The following SEZ6L variants were observed in gnomAD, a reference collection of about 807,000 sequenced individuals.
SEZ6L encodes the protein seizure related 6 homolog like, also known as seizure 6-like protein.
SEZ6L carries 37 observed loss-of-function variants against 106.2 expected under a neutral mutation model. That is an observed-to-expected ratio of 0.35 (90% CI 0.27 to 0.46). The LOEUF is 0.46. Among genes scored for constraint, SEZ6L ranks in the 20% least tolerant of loss-of-function variants. The probability of loss-of-function intolerance (pLI) is 1.00; values close to 1 mark genes in which losing one functional copy is unlikely to be tolerated. For missense variants in SEZ6L, 1,172 were observed against 1,332.8 expected (o/e 0.88, Z 1.88); for synonymous variants, 541 against 570.4 (o/e 0.95, Z 0.73).
chr22:26,242,851 G>T (rs2079184765), intron 1 of SEZ6L: 1 of 152,340 alleles, frequency 6.6e-6, no homozygotes. Flanking sequence ...GAGTTGGTTA[G>T]TGCCCTAGGG....
intron 12 of SEZ6L, among the ~76,000 whole-genome samples, chr22:26,361,037 T>C (rs2083604833): frequency 6.6e-6 from 1 of 152,212 alleles, no homozygotes; most frequent in South Asian, 2.1e-4. Flanking sequence ...CACGCGGCTT[T>C]AAACAGTGTC....
At chr22:26,240,997 G>T (rs1402302482) in intron 1 of SEZ6L, among the ~76,000 whole-genome samples, 1 of 152,164 alleles carries the variant, frequency 6.6e-6, no homozygotes, top group African/African-American at 2.4e-5. Flanking sequence ...TGGACAGTAG[G>T]CGTCCATGCA....
intron 1 of SEZ6L, among the ~76,000 whole-genome samples, chr22:26,175,429 C>T (rs898953749): frequency 1.3e-5 from 2 of 152,072 alleles, no homozygotes; most frequent in Non-Finnish European, 2.9e-5. Flanking sequence ...GGTTTAAATC[C>T]TTGGTGCCTT....
intron 1 of SEZ6L, among the ~76,000 whole-genome samples, chr22:26,271,434 A>G (rs1462306870): frequency 6.6e-6 from 1 of 152,220 alleles, no homozygotes; most frequent in Non-Finnish European, 1.5e-5. Context: ...TTGTTTGGAT[A>G]TGTGTCCCCT....
intron 8 of SEZ6L, among the ~76,000 whole-genome samples, chr22:26,312,562 C>T (rs187066629): frequency 1.4e-5 from 2 of 143,774 alleles, no homozygotes; most frequent in Non-Finnish European, 3.0e-5. Flanking sequence ...GTTGTAGAAC[C>T]CTCATCTACA....
At chr22:26,208,039 A>G (rs1421157857) in intron 1 of SEZ6L, among the ~76,000 whole-genome samples, 3 of 151,330 alleles carry the variant, frequency 2.0e-5, no homozygotes, top group Non-Finnish European at 4.4e-5. Flanking sequence ...CCTCTCGTGT[A>G]GCTGGGACTA....
At chr22:26,349,393 A>T (rs1204932171) in intron 11 of SEZ6L, among the ~76,000 whole-genome samples, 1 of 152,254 alleles carries the variant, frequency 6.6e-6, no homozygotes, top group Non-Finnish European at 1.5e-5. Flanking sequence ...AGGCAGTAGT[A>T]AAATGATAGA....
chr22:26,328,628 G>A (rs578018071), intron 9 of SEZ6L, among the ~76,000 whole-genome samples: 12 of 152,262 alleles, frequency 7.9e-5, no homozygotes, highest in African/African-American at 2.9e-4. Context: ...CACTGCCTTC[G>A]GAAATGGCTC....
intron 12 of SEZ6L, among the ~76,000 whole-genome samples, chr22:26,352,695 A>G (rs1360750642): frequency 6.6e-6 from 1 of 152,228 alleles, no homozygotes; most frequent in East Asian, 1.9e-4. Context: ...ATAGGCTGAT[A>G]CTTACTGAGC....
intron 1 of SEZ6L, among the ~76,000 whole-genome samples, chr22:26,205,944 A>G (rs1410785138): frequency 6.6e-6 from 1 of 152,082 alleles, no homozygotes; most frequent in African/African-American, 2.4e-5. Context: ...CAGTCCCTCC[A>G]GGTGTCCAGT....
chr22:26,261,899 G>A (rs922138212), intron 1 of SEZ6L, among the ~76,000 whole-genome samples: 2 of 152,110 alleles, frequency 1.3e-5, no homozygotes, highest in African/African-American at 4.8e-5. Context: ...GAGGAGGTGG[G>A]ATTGGTCAAG....
rs1268545142 is a variant in SEZ6L, at chr22:26,327,548, A to G, written c.2016-12888A>G. ...CCACGACACTACACACACACACCACACACCATACACACACCCCACACACAC... is the reference window on the plus strand; with the variant it reads ...CCACGACACTACACACACACACCACGCACCATACACACACCCCACACACAC... On this transcript the variant is annotated intron_variant, in intron 9 of 16. Transcript: ENST00000248933. 2.1e-5 allele frequency among the ~76,000 whole-genome samples: 3 copies of G among 144,368 alleles called. No homozygotes were observed. The East Asian group carries it at 6.3e-4, about 30-fold the overall frequency. 94.7% of individuals were successfully genotyped at this position (144,368 alleles called of 152,430 possible).
chr22:26,372,503 G>A (rs742235), intron 13 of SEZ6L, among the ~76,000 whole-genome samples: 74,198 of 152,028 alleles, frequency 0.49, 19,299 homozygotes, highest in East Asian at 0.94. Context: ...TGATGATGGC[G>A]TAAACCAGAG....
At chr22:26,238,285 C>A (rs2079010796) in intron 1 of SEZ6L, among the ~76,000 whole-genome samples, 1 of 152,218 alleles carries the variant, frequency 6.6e-6, no homozygotes, top group African/African-American at 2.4e-5. Context: ...TGTACGGACC[C>A]ACTGTGAGCC....
At chr22:26,238,975 C>T (rs2079031614) in intron 1 of SEZ6L, among the ~76,000 whole-genome samples, 1 of 152,218 alleles carries the variant, frequency 6.6e-6, no homozygotes, top group Non-Finnish European at 1.5e-5. Context: ...GTAATCTCAA[C>T]ACTTTGGGAG....
At chr22:26,182,294 C>T (rs943122056) in intron 1 of SEZ6L, among the ~76,000 whole-genome samples, 2 of 152,168 alleles carry the variant, frequency 1.3e-5, no homozygotes, top group Non-Finnish European at 2.9e-5. Context: ...CTTGGCGTAT[C>T]AGATAGTCAG....
chr22:26,347,413 G>C (rs969020312), intron 10 of SEZ6L, among the ~76,000 whole-genome samples: 6 of 152,026 alleles, frequency 3.9e-5, no homozygotes, highest in African/African-American at 9.7e-5. Context: ...GAGCTGCAGA[G>C]TCAAAAAGTG....
intron 10 of SEZ6L, among the ~76,000 whole-genome samples, 181 bp from the exon 11 acceptor site, chr22:26,347,536 CAG>C (rs2083049073): frequency 6.6e-6 from 1 of 152,128 alleles, no homozygotes; most frequent in Non-Finnish European, 1.5e-5. Flanking sequence ...CAGGGGCCCA[CAG>C]AGAGAGGTAA....
At chr22:26,227,583 ATTTTTTT>A (rs11415829) in intron 1 of SEZ6L, among the ~76,000 whole-genome samples, 3 of 140,010 alleles carry the variant, frequency 2.1e-5, no homozygotes, top group Non-Finnish European at 4.6e-5. Context: ...CTAATTTTTA[ATTTTTTT>A]TTTTTTTTTG....
Sources: allele counts gnomAD v4.1 joint callset (sites outside exome capture counted in the v4.1 genomes callset), GRCh38; gene constraint gnomAD v4.1.1; transcripts MANE v1.5; gene names NCBI Gene and HGNC (gene_info 2026-07-23, HGNC 2026-07-21).